The following UGT2B7 variants were observed in gnomAD, a reference collection of about 807,000 sequenced individuals.
The protein encoded by UGT2B7 is UDP-glucuronosyltransferase 2B7.
Under a neutral mutation model 51.9 loss-of-function variants are expected in UGT2B7, and 51 were observed. That is an observed-to-expected ratio of 0.98 (90% CI 0.78 to 1.24). The LOEUF is 1.24. Among genes scored for constraint, UGT2B7 ranks in the 50% most tolerant of loss-of-function variants. The pLI is 0.00. For synonymous variants in UGT2B7, 225 were observed against 211.6 expected, an observed-to-expected ratio of 1.06 and a Z score of -0.55; for missense variants, 727 against 628.4, an observed-to-expected ratio of 1.16 and a Z score of -1.68.
At position 69,108,202 on chromosome 4, in the gene UGT2B7, C is replaced by A. The variant is rs563256432; in HGVS notation, c.1190C>A (p.Ala397Asp). ...GIPMVGIPLF[A>D]DQPDNIAHMK... ...CCTATGGTGGGGATTCCATTGTTTGCCGATCAACCTGATAACATTGCTCAC... is the reference window on the plus strand; with the variant it reads ...CCTATGGTGGGGATTCCATTGTTTGACGATCAACCTGATAACATTGCTCAC... The change falls in exon 5 of 6, where the codon GCC (alanine) becomes GAC (aspartate). Residue 397 changes from alanine to aspartate, a missense_variant. By Grantham distance (126) the Ala-to-Asp change is moderately radical. Coordinates refer to ENST00000305231, the MANE Select transcript of UGT2B7 (RefSeq NM_001074.4). The A allele has an allele frequency of 6.2e-7, 1 of 1,613,738 alleles. No homozygotes were observed. The highest frequency in any genetic ancestry group is 1.7e-5 in the Admixed American group (1 of 59,976).
intron 4 of UGT2B7, among the ~76,000 whole-genome samples, chr4:69,107,757 C>T (rs1488894468): frequency 6.6e-6 from 1 of 152,110 alleles, no homozygotes; most frequent in Admixed American, 6.6e-5. Context: ...TGCCTGCTGC[C>T]TTGCCCACCC....
intron 3 of UGT2B7, among the ~76,000 whole-genome samples, chr4:69,106,115 C>T (rs1011078353): frequency 5.9e-5 from 9 of 151,728 alleles, no homozygotes; most frequent in Non-Finnish European, 1.5e-5. Flanking sequence ...TTATTTGTAA[C>T]TTTTATTTTA....
At chr4:69,080,442 G>A (rs1718809680) in intron 1 of UGT2B7, among the ~76,000 whole-genome samples, 1 of 151,514 alleles carries the variant, frequency 6.6e-6, no homozygotes, top group Admixed American at 6.6e-5. Flanking sequence ...CAGCTACTCA[G>A]GAGACTAAGG....
chr4:69,061,743 C>A (rs902753356), intron 1 of UGT2B7, among the ~76,000 whole-genome samples: 1 of 152,176 alleles, frequency 6.6e-6, no homozygotes, highest in South Asian at 2.1e-4. Context: ...TTGTAAACAG[C>A]GTTTAACTTG....
intron 1 of UGT2B7, chr4:69,089,415 CTATA>C (rs1480166473): frequency 2.0e-5 from 3 of 152,154 alleles, no homozygotes; most frequent in Admixed American, 1.3e-4. Context: ...CATAAGTAAA[CTATA>C]TTATTCTACA....
Position 69,105,782 on chromosome 4 carries a change from C to T in UGT2B7, c.1003-1393C>T, listed in dbSNP as rs577584171. Reference sequence around the variant, plus strand: ...AATTCCAATGAAGTTATACATAAAACCTTTGCAGCATTAATCTATTTCTTA... The same window carrying T: ...AATTCCAATGAAGTTATACATAAAATCTTTGCAGCATTAATCTATTTCTTA... On this transcript the variant is annotated intron_variant, in intron 3 of 5. Coordinates refer to ENST00000305231, the MANE Select transcript of UGT2B7 (RefSeq NM_001074.4). Among the ~76,000 whole-genome samples, 6 of 152,144 alleles carry T rather than the reference C, an allele frequency of 3.9e-5. No homozygotes were observed. In the South Asian group the frequency reaches 1.0e-3, roughly 26 times the overall value.
chr4:69,061,754 T>C (rs1718352627), intron 1 of UGT2B7, among the ~76,000 whole-genome samples: 1 of 152,130 alleles, frequency 6.6e-6, no homozygotes, highest in Non-Finnish European at 1.5e-5. Context: ...GTTTAACTTG[T>C]GCCCAAAACA....
intron 1 of UGT2B7, among the ~76,000 whole-genome samples, chr4:69,058,704 C>T (rs1415043878): frequency 1.3e-5 from 2 of 151,928 alleles, no homozygotes; most frequent in Non-Finnish European, 2.9e-5. Context: ...GTTTTGCAGG[C>T]ATGAATGCTA....
At chr4:69,074,236 G>T (rs140122090) in intron 1 of UGT2B7, among the ~76,000 whole-genome samples, 2 of 151,762 alleles carry the variant, frequency 1.3e-5, no homozygotes, top group African/African-American at 4.9e-5. Context: ...AGCCACTTGG[G>T]GGACTGAGGT....
chr4:69,081,867 C>T (rs991900755), intron 1 of UGT2B7, among the ~76,000 whole-genome samples: 10 of 152,112 alleles, frequency 6.6e-5, no homozygotes, highest in East Asian at 1.9e-4. Context: ...TTATGGTTTA[C>T]ACATATTTAG....
chr4:69,101,606 G>T (rs1719419606), intron 2 of UGT2B7, among the ~76,000 whole-genome samples: 1 of 151,424 alleles, frequency 6.6e-6, no homozygotes, highest in Non-Finnish European at 1.5e-5. Context: ...ACCTGGAATA[G>T]CAGTACAATG....
At chr4:69,091,996 G>T (rs1025004237), upstream of UGT2B7, among the ~76,000 whole-genome samples, 1 of 152,118 alleles carries the variant, frequency 6.6e-6, no homozygotes, top group Non-Finnish European at 1.5e-5. Flanking sequence ...AGGCTGAAGT[G>T]CAATCATGGC....
chr4:69,096,977 A>C lies in UGT2B7; in HGVS notation c.457A>C (p.Ile153Leu), dbSNP rs761849480. The C allele has an allele frequency of 2.5e-6, 4 of 1,613,576 alleles. No homozygotes were observed. Among genetic ancestry groups the C allele is most frequent in the Non-Finnish European group, 3.4e-6 (4 of 1,179,768 alleles). Residue 153 changes from isoleucine (I) to leucine (L), a missense_variant, in exon 1 of 6, where the codon ATT (isoleucine) becomes CTT (leucine). Physicochemically the swap from Ile to Leu is conservative, Grantham distance 5. Transcript: ENST00000305231. ...SRFDVIFADA[I>L]FPCSELLAEL... ...ATTTGACGTCATTTTTGCAGATGCTATTTTTCCCTGTAGTGAGCTGCTGGC... is the reference window on the plus strand; with the variant it reads ...ATTTGACGTCATTTTTGCAGATGCTCTTTTTCCCTGTAGTGAGCTGCTGGC...
rs1719573753 is a variant in UGT2B7, at chr4:69,105,700, T to C, written c.1003-1475T>C. 2.6e-5 allele frequency among the ~76,000 whole-genome samples: 4 copies of C among 152,328 alleles called. No individual in the cohort carries two copies. The South Asian group carries it at 8.3e-4, about 32-fold the overall frequency. ...TTAGAAATACTGATAATACTCTGAA[T>C]TTGTGTCAAAAATAACCACCTGAAA... On this transcript the variant is annotated intron_variant, in intron 3 of 5. Coordinates refer to ENST00000305231, the MANE Select transcript of UGT2B7 (RefSeq NM_001074.4).
intron 3 of UGT2B7, among the ~76,000 whole-genome samples, chr4:69,106,174 T>G (rs1395478878): frequency 6.6e-6 from 1 of 152,126 alleles, no homozygotes; most frequent in Non-Finnish European, 1.5e-5. Context: ...ACTTGTGTCA[T>G]GGGGGGTTAT....
At chr4:69,067,025 G>A (rs932938141) in intron 1 of UGT2B7, among the ~76,000 whole-genome samples, 1 of 152,058 alleles carries the variant, frequency 6.6e-6, no homozygotes, top group Non-Finnish European at 1.5e-5. Context: ...ATCATACTCA[G>A]TGACTTCACC....
chr4:69,064,019 GGAAAGAAAGAAAGAAAGAAAGAAA>G (rs71204072), intron 1 of UGT2B7, among the ~76,000 whole-genome samples: 106 of 60,202 alleles, frequency 1.8e-3, no homozygotes, highest in Non-Finnish European at 2.7e-3. Context: ...AGATGAGATG[GGAAAGAAAGAAAGAAAGAAAGAAA>G]GAAAGAAAGA....
At chr4:69,089,965 G>A (rs1358009251) in intron 2 of UGT2B7, among the ~76,000 whole-genome samples, 1 of 152,068 alleles carries the variant, frequency 6.6e-6, no homozygotes, top group African/African-American at 2.4e-5. Flanking sequence ...AAAAGGGAGG[G>A]CTGATATTAC....
At chr4:69,081,959 T>G (rs7686971) in intron 1 of UGT2B7, among the ~76,000 whole-genome samples, 29,905 of 152,002 alleles carry the variant, frequency 0.2, 3,093 homozygotes, top group South Asian at 0.28. Context: ...ATTTTTAAAA[T>G]GGCAAGTAAC....
Sources: gnomAD v4.1 joint callset for allele counts (sites outside exome capture counted in the v4.1 genomes callset) on GRCh38, gnomAD v4.1.1 for gene constraint, MANE v1.5 for transcripts, NCBI Gene and HGNC (gene_info 2026-07-23, HGNC 2026-07-21) for gene names.